Variants in ATP6V0E1 observed in about 807,000 individuals in gnomAD.
The protein encoded by ATP6V0E1 is ATPase H+ transporting V0 subunit e1.
A neutral mutation model predicts 11.6 loss-of-function variants in ATP6V0E1; 4 were observed. That is an observed-to-expected ratio of 0.35 (90% CI 0.17 to 0.79). The LOEUF (loss-of-function observed/expected upper bound fraction) is 0.79, where lower values mean the gene tolerates loss of function less well. ATP6V0E1 is among the 30% of genes least tolerant of loss of function. The probability of loss-of-function intolerance (pLI) is 0.54; values close to 1 mark genes in which losing one functional copy is unlikely to be tolerated. For missense variants in ATP6V0E1, 105 were observed against 100.0 expected (o/e 1.05, Z -0.21); for synonymous variants, 36 against 34.8 (o/e 1.04, Z -0.13).
At chr5:173,006,857 T>C (rs1353091334) in intron 2 of ATP6V0E1, among the ~76,000 whole-genome samples, 1 of 152,138 alleles carries the variant, frequency 6.6e-6, no homozygotes, top group East Asian at 1.9e-4. Flanking sequence ...TTTGAGATGT[T>C]TGTTTGTAGG....
At chr5:173,007,494 A>G (rs1476177414) in intron 2 of ATP6V0E1, among the ~76,000 whole-genome samples, 2 of 152,170 alleles carry the variant, frequency 1.3e-5, no homozygotes, top group Non-Finnish European at 2.9e-5. Flanking sequence ...AAATCATCTC[A>G]TCCTATAGCA....
At position 173,034,607 on chromosome 5, in the gene ATP6V0E1, C is replaced by T. The variant is rs1482477293; in HGVS notation, c.*245C>T. ...CCTGAACTGTGCCGACTCCACAAAA[C>T]GATTATGTACTCTTCTGAGATAGAA... On this transcript the variant is annotated 3_prime_UTR_variant, in exon 4 of 4. Coordinates refer to ENST00000519374, the MANE Select transcript of ATP6V0E1 (RefSeq NM_003945.4). The T allele has an allele frequency of 8.3e-6, 5 of 599,556 alleles. No homozygotes were observed. Among genetic ancestry groups the T allele is most frequent in the East Asian group, 2.8e-5 (1 of 35,850 alleles). The allele number at this position is 599,556 out of a possible 1,614,324, so 37.1% of individuals were successfully genotyped here. A position where few individuals can be genotyped will look rare whatever the true frequency, so the allele number is the denominator to read the frequency against.
chr5:172,996,986 A>G (rs943861672), intron 2 of ATP6V0E1, among the ~76,000 whole-genome samples: 7 of 151,942 alleles, frequency 4.6e-5, no homozygotes, highest in Non-Finnish European at 8.8e-5. Flanking sequence ...TTAAACATGA[A>G]AAAACTCTAT....
chr5:173,001,504 C>G (rs1561770200), intron 2 of ATP6V0E1, among the ~76,000 whole-genome samples: 1 of 152,110 alleles, frequency 6.6e-6, no homozygotes, highest in Non-Finnish European at 1.5e-5. Context: ...CCTCACCTCC[C>G]TCACTGGCCT....
intron 3 of ATP6V0E1, among the ~76,000 whole-genome samples, chr5:173,023,306 G>A (rs1441035311): frequency 2.0e-5 from 3 of 152,112 alleles, no homozygotes; most frequent in Admixed American, 6.6e-5. Flanking sequence ...TGATTCTTCT[G>A]CCTCAGGCTC....
At chr5:173,000,285 A>G (rs1756133615) in intron 2 of ATP6V0E1, among the ~76,000 whole-genome samples, 1 of 152,162 alleles carries the variant, frequency 6.6e-6, no homozygotes, top group African/African-American at 2.4e-5. Context: ...GAAAATCTGA[A>G]TGTTATATCT....
chr5:173,019,486 G>A (rs1727081073), intron 2 of ATP6V0E1, among the ~76,000 whole-genome samples: 1 of 151,936 alleles, frequency 6.6e-6, no homozygotes, highest in South Asian at 2.1e-4. Context: ...CTCGGGAGGC[G>A]GAGCTTGCAG....
At chr5:172,983,997 G>C in intron 1 of ATP6V0E1, 33 bp downstream of exon 1, 1 of 1,600,990 alleles carries the variant, frequency 6.2e-7, no homozygotes, top group Non-Finnish European at 8.5e-7. Context: ...GGGAGGAACG[G>C]GCGGTGAGGA....
chr5:172,992,858 C>T (rs1043760155), intron 1 of ATP6V0E1, among the ~76,000 whole-genome samples: 1 of 151,996 alleles, frequency 6.6e-6, no homozygotes, highest in Non-Finnish European at 1.5e-5. Context: ...AGTGCAATAG[C>T]GCAATCTCGG....
In ATP6V0E1 at chr5:172,987,282, CTT is replaced by C. The variant is rs200416452; in HGVS notation, c.104+3332_104+3333del. ...TAAACATCTGGATTCCCTGCTATAA[CTT>C]TTTTTTTTTTTTTCTTTGAGATGGA... On this transcript the variant is annotated intron_variant, in intron 1 of 3. Transcript: ENST00000519374. 387 of 145,272 alleles carry C rather than the reference CTT, an allele frequency of 2.7e-3. 1 individual carries two copies. Among genetic ancestry groups the C allele is most frequent in the Admixed American group, 5.4e-3 (78 of 14,400 alleles). 9.0% of individuals were successfully genotyped at this position (145,272 alleles called of 1,614,324 possible). A position where few individuals can be genotyped will look rare whatever the true frequency, so the allele number is the denominator to read the frequency against.
chr5:173,004,496 G>T (rs1241432390), intron 2 of ATP6V0E1, among the ~76,000 whole-genome samples: 1 of 152,148 alleles, frequency 6.6e-6, no homozygotes, highest in Non-Finnish European at 1.5e-5. Flanking sequence ...AGATAATTGA[G>T]CAAGAGTTAC....
At chr5:173,028,595 A>C (rs563013952) in intron 3 of ATP6V0E1, among the ~76,000 whole-genome samples, 1 of 152,320 alleles carries the variant, frequency 6.6e-6, no homozygotes, top group South Asian at 2.1e-4. Context: ...CAAAGAACAC[A>C]CCGTTAAATA....
At chr5:172,985,353 TA>T (rs535197720) in intron 1 of ATP6V0E1, among the ~76,000 whole-genome samples, 145 of 152,270 alleles carry the variant, frequency 9.5e-4, no homozygotes, top group Admixed American at 1.7e-3. Context: ...AGTCTAAAAT[TA>T]TTTTTTTTTA....
chr5:173,015,277 A>G (rs77169398), intron 2 of ATP6V0E1, among the ~76,000 whole-genome samples: 6,406 of 152,312 alleles, frequency 0.042, 172 homozygotes, highest in Middle Eastern at 0.085. Context: ...ATGAAAGGTT[A>G]TATGTGAAAT....
chr5:173,027,308 A>G (rs1414742136), intron 3 of ATP6V0E1, among the ~76,000 whole-genome samples: 1 of 148,724 alleles, frequency 6.7e-6, no homozygotes, highest in Non-Finnish European at 1.5e-5. Flanking sequence ...TAACACGGTG[A>G]AACCCTGTCT....
intron 3 of ATP6V0E1, among the ~76,000 whole-genome samples, chr5:173,027,605 C>T (rs2161133): frequency 0.11 from 16,026 of 151,480 alleles, 1,083 homozygotes; most frequent in South Asian, 0.18. Flanking sequence ...TTTATACGTA[C>T]GTGTGGGTTT....
intron 2 of ATP6V0E1, among the ~76,000 whole-genome samples, chr5:173,013,754 C>T (rs1394766625): frequency 6.6e-6 from 1 of 152,078 alleles, no homozygotes; most frequent in Non-Finnish European, 1.5e-5. Flanking sequence ...CAAAAGAAGA[C>T]ATTACAAATG....
intron 1 of ATP6V0E1, among the ~76,000 whole-genome samples, chr5:172,985,363 T>A (rs189087507): frequency 2.0e-5 from 3 of 152,312 alleles, no homozygotes; most frequent in Admixed American, 6.5e-5. Context: ...TATTTTTTTT[T>A]AAAAGATACA....
intron 2 of ATP6V0E1, among the ~76,000 whole-genome samples, chr5:173,017,259 C>T (rs543906551): frequency 1.1e-4 from 17 of 152,284 alleles, no homozygotes; most frequent in East Asian, 5.8e-4. Context: ...CCCTGCTGGG[C>T]GTGGTGGCTC....
Sources: gnomAD v4.1 joint callset for allele counts (sites outside exome capture counted in the v4.1 genomes callset) on GRCh38, gnomAD v4.1.1 for gene constraint, MANE v1.5 for transcripts, NCBI Gene and HGNC (gene_info 2026-07-23, HGNC 2026-07-21) for gene names.